RELCH: variants seen among roughly 807,000 people sequenced by gnomAD.
The protein encoded by RELCH is RAB11-binding protein RELCH.
A neutral mutation model predicts 150.3 loss-of-function variants in RELCH; 41 were observed. The observed-to-expected ratio is 0.27, with a 90% CI of 0.21 to 0.35. The LOEUF (loss-of-function observed/expected upper bound fraction) is 0.35, where lower values mean the gene tolerates loss of function less well. Among genes scored for constraint, RELCH ranks in the 10% least tolerant of loss-of-function variants. The pLI, the probability that RELCH is intolerant of heterozygous loss-of-function variation, is 1.00. For synonymous variants in RELCH, 478 were observed against 531.8 expected, an observed-to-expected ratio of 0.90 and a Z score of 1.39; for missense variants, 1,092 against 1,467.8, an observed-to-expected ratio of 0.74 and a Z score of 4.18.
intron 1 of RELCH, among the ~76,000 whole-genome samples, chr18:62,195,312 G>A (rs182996716): frequency 4.6e-5 from 7 of 150,556 alleles, no homozygotes; most frequent in Non-Finnish European, 8.9e-5. Flanking sequence ...GTGTGTGTGT[G>A]TATACACTGT....
chr18:62,248,683 TA>T (rs2042547671), intron 11 of RELCH, among the ~76,000 whole-genome samples: 1 of 152,190 alleles, frequency 6.6e-6, no homozygotes, highest in Admixed American at 6.5e-5. Context: ...TTATGCTTTA[TA>T]AAAAAATAAA....
At chr18:62,233,577 T>G (rs1253961033) in intron 10 of RELCH, among the ~76,000 whole-genome samples, 1 of 151,990 alleles carries the variant, frequency 6.6e-6, no homozygotes, top group Non-Finnish European at 1.5e-5. Flanking sequence ...AAAATAGTCA[T>G]AAGATATTAA....
rs1206538332 is a variant in RELCH, at chr18:62,272,472, A to T, written c.2761-1508A>T. Reference sequence around the variant, plus strand: ...AAATGAATAAGGGGCATTTCTTTTGAGTCATTATGAAGTCTAAATATGTTA... The same window carrying T: ...AAATGAATAAGGGGCATTTCTTTTGTGTCATTATGAAGTCTAAATATGTTA... On this transcript the variant is annotated intron_variant, in intron 20 of 28. Transcript: ENST00000644646. Among the ~76,000 whole-genome samples, 8 of 152,224 alleles carry T rather than the reference A, an allele frequency of 5.3e-5. No homozygotes were observed. The East Asian group carries it at 1.5e-3, about 29-fold the overall frequency.
chr18:62,291,069 A>G (rs557626368), intron 26 of RELCH, among the ~76,000 whole-genome samples: 1 of 152,278 alleles, frequency 6.6e-6, no homozygotes, highest in Non-Finnish European at 1.5e-5. Context: ...GATATGCACT[A>G]TAGAGTTTTT....
At chr18:62,193,581 T>C (rs539872691) in intron 1 of RELCH, among the ~76,000 whole-genome samples, 1 of 152,324 alleles carries the variant, frequency 6.6e-6, no homozygotes, top group East Asian at 1.9e-4. Context: ...AAAGGAATGT[T>C]GAATTTTATC....
intron 10 of RELCH, among the ~76,000 whole-genome samples, chr18:62,239,957 G>A (rs978562508): frequency 2.6e-5 from 4 of 151,514 alleles, no homozygotes; most frequent in African/African-American, 9.7e-5. Flanking sequence ...ATATCCAAAT[G>A]TAATATATAT....
At chr18:62,204,591 G>A (rs575961268) in intron 1 of RELCH, among the ~76,000 whole-genome samples, 25 of 152,036 alleles carry the variant, frequency 1.6e-4, no homozygotes, top group Non-Finnish European at 3.2e-4. Flanking sequence ...CTCCCAAAGC[G>A]CTCTGATGAT....
At chr18:62,252,583 T>C in intron 11 of RELCH, 81 bp from the exon 12 acceptor site, 1 of 940,734 alleles carries the variant, frequency 1.1e-6, no homozygotes, top group Non-Finnish European at 1.7e-6. Flanking sequence ...TGTGAATTTA[T>C]AGAGATGAGA....
chr18:62,275,490 C>T lies in RELCH; in HGVS notation c.2967+17C>T, dbSNP rs1415197703. 1.9e-5 allele frequency: 28 copies of T among 1,484,128 alleles called. No homozygotes were observed. Among genetic ancestry groups the T allele is most frequent in the African/African-American group, 4.2e-5 (3 of 71,610 alleles). 91.9% of individuals were successfully genotyped at this position (1,484,128 alleles called of 1,614,324 possible). On this transcript the variant is annotated intron_variant, in intron 22 of 28. Coordinates refer to ENST00000644646, the MANE Select transcript of RELCH (RefSeq NM_001346231.2). ...ATGTTTGAGGTATGTCAACACATGC[C>T]TCTGTTGGTTTCAATTATAATGATT...
chr18:62,209,828 G>A (rs1409336309), intron 1 of RELCH, among the ~76,000 whole-genome samples: 1 of 151,940 alleles, frequency 6.6e-6, no homozygotes, highest in Non-Finnish European at 1.5e-5. Flanking sequence ...TATACATTTT[G>A]CATGTTTTTG....
chr18:62,202,305 T>A (rs1452730922), intron 1 of RELCH, among the ~76,000 whole-genome samples: 11 of 152,216 alleles, frequency 7.2e-5, no homozygotes, highest in Non-Finnish European at 1.2e-4. Context: ...GAATTGTGGC[T>A]TAATCTAAAG....
chr18:62,253,188 G>T (rs1260853142), intron 12 of RELCH, among the ~76,000 whole-genome samples: 1 of 151,478 alleles, frequency 6.6e-6, no homozygotes, highest in Non-Finnish European at 1.5e-5. Flanking sequence ...TGATGTTTAG[G>T]AAAGAATCTG....
chr18:62,228,218 A>C (rs1363982247), intron 7 of RELCH, 87 bp from the exon 8 acceptor site: 6 of 1,070,688 alleles, frequency 5.6e-6, no homozygotes, highest in Non-Finnish European at 8.2e-6. Context: ...ATATGCTTTT[A>C]AAACATTAAA....
intron 18 of RELCH, 88 bp downstream of exon 18, chr18:62,264,940 A>G: frequency 2.8e-6 from 3 of 1,075,310 alleles, no homozygotes; most frequent in Non-Finnish European, 3.9e-6. Flanking sequence ...TAAAAGCATG[A>G]ACCATTCTTT....
chr18:62,208,534 G>A (rs182284124), intron 1 of RELCH, among the ~76,000 whole-genome samples: 1 of 152,012 alleles, frequency 6.6e-6, no homozygotes, highest in Admixed American at 6.6e-5. Flanking sequence ...AGGTTCGGGG[G>A]TGCATGTGCA....
chr18:62,255,017 G>A (rs936003871), intron 12 of RELCH, among the ~76,000 whole-genome samples: 3 of 152,082 alleles, frequency 2.0e-5, no homozygotes, highest in African/African-American at 7.2e-5. Context: ...AAGAAGACTG[G>A]CACATATTAT....
chr18:62,250,613 A>G (rs956782211), intron 11 of RELCH, among the ~76,000 whole-genome samples: 1 of 152,234 alleles, frequency 6.6e-6, no homozygotes, highest in African/African-American at 2.4e-5. Context: ...GGGGAATCAG[A>G]TAGATAAAAA....
chr18:62,199,386 A>G (rs573853624), intron 1 of RELCH, among the ~76,000 whole-genome samples: 1 of 152,338 alleles, frequency 6.6e-6, no homozygotes, highest in Non-Finnish European at 1.5e-5. Flanking sequence ...ATTTTTTAAA[A>G]GATGTTAGCT....
intron 15 of RELCH, among the ~76,000 whole-genome samples, chr18:62,260,840 C>A (rs1177136685): frequency 6.6e-6 from 1 of 151,930 alleles, no homozygotes; most frequent in African/African-American, 2.4e-5. Flanking sequence ...ATTGAATGTT[C>A]TCACTCACAT....
Sources: allele counts gnomAD v4.1 joint callset (sites outside exome capture counted in the v4.1 genomes callset), GRCh38; gene constraint gnomAD v4.1.1; transcripts MANE v1.5; gene names NCBI Gene and HGNC (gene_info 2026-07-23, HGNC 2026-07-21).